The following THUMPD3 variants were observed in gnomAD, a reference collection of about 807,000 sequenced individuals.
The protein encoded by THUMPD3 is THUMP domain 3 tRNA guanosine methyltransferase, also known as tRNA (guanine(6)-N(2))-methyltransferase THUMP3.
THUMPD3 carries 44 observed loss-of-function variants against 54.5 expected under a neutral mutation model. The ratio of observed to expected loss-of-function variants is 0.81; its 90% confidence interval spans 0.63 to 1.04. The LOEUF (loss-of-function observed/expected upper bound fraction) is 1.04. Ranked by LOEUF, THUMPD3 falls within the 50% of genes least tolerant of loss-of-function variation. The pLI, the probability that THUMPD3 is intolerant of heterozygous loss-of-function variation, is 0.00. For synonymous variants in THUMPD3, 196 were observed against 201.4 expected (o/e 0.97, Z 0.23); for missense variants, 604 against 601.3 (o/e 1.00, Z -0.05).
chr3:9,374,410 C>T, intron 4 of THUMPD3, 106 bp from the exon 5 acceptor site: 3 of 1,387,004 alleles, frequency 2.2e-6, no homozygotes, highest in Non-Finnish European at 2.9e-6. Context: ...AGGGGACCAA[C>T]AGGTTGCCTA....
chr3:9,371,675 G>A (rs2032051141), intron 4 of THUMPD3, 139 bp downstream of exon 4: 2 of 767,192 alleles, frequency 2.6e-6, no homozygotes, highest in Admixed American at 4.8e-5. Flanking sequence ...TATGGAGACA[G>A]ATTTAGATCC....
chr3:9,374,295 A>G (rs776479604), intron 4 of THUMPD3, among the ~76,000 whole-genome samples: 1 of 152,108 alleles, frequency 6.6e-6, no homozygotes, highest in Non-Finnish European at 1.5e-5. Context: ...TTTAATATGT[A>G]TTTTTTAAAT....
At chr3:9,365,746 C>T (rs376487849) in intron 2 of THUMPD3, among the ~76,000 whole-genome samples, 28 of 152,226 alleles carry the variant, frequency 1.8e-4, no homozygotes, top group Middle Eastern at 3.4e-3. Context: ...CGCCCGCCAC[C>T]GCATCTGGCT....
chr3:9,384,607 T>C lies in THUMPD3; in HGVS notation c.1443T>C (p.Val481=), dbSNP rs771659753. 4 of 1,614,142 alleles carry C rather than the reference T, an allele frequency of 2.5e-6. No homozygotes were observed. The African/African-American group carries it at 4.0e-5, about 16-fold the overall frequency. Residue 481 remains valine (V), a synonymous_variant, in exon 10 of 10, where the codon GTT becomes GTC. Coordinates refer to ENST00000452837, the MANE Select transcript of THUMPD3 (RefSeq NM_001114092.2). ...GTGGTCTTCGTGCTGCAGTTTACGT[T>C]CTGATACGTACACCTCAAGCTTTTG... The part of the protein sequence containing the change: ...NVGGLRAAVY[V]LIRTPQAFVH...
intron 1 of THUMPD3, 143 bp downstream of exon 1, chr3:9,363,270 C>G (rs2031045723): frequency 6.6e-6 from 1 of 152,250 alleles, no homozygotes; most frequent in African/African-American, 2.4e-5. Context: ...CATCTTGCTC[C>G]CTCTCCCAGG....
chr3:9,370,969 C>T lies in THUMPD3; in HGVS notation c.331-91C>T, dbSNP rs529192308. ...GCGGTCCTGGAACCAGTGTCCCCCA[C>T]GGATACCAACTGTCCATAAGCAAAG... On this transcript the variant is annotated intron_variant, in intron 3 of 9. Transcript: ENST00000452837. The T allele has an allele frequency of 3.5e-4, 384 of 1,102,170 alleles. 3 individuals carry two copies. In the South Asian group the frequency reaches 5.4e-3, roughly 16 times the overall value. 68.3% of individuals were successfully genotyped at this position (1,102,170 alleles called of 1,614,324 possible). A position where few individuals can be genotyped will look rare whatever the true frequency, so the allele number is the denominator to read the frequency against.
chr3:9,382,953 T>A, intron 7 of THUMPD3: 1 of 350,936 alleles, frequency 2.8e-6, no homozygotes, highest in Non-Finnish European at 5.4e-6. Context: ...GGTCTCAAAT[T>A]CCTGGAGTCC....
chr3:9,384,833 T>G lies in THUMPD3; in HGVS notation c.*145T>G. The G allele has an allele frequency of 5.6e-6, 5 of 889,736 alleles. 1 individual carries two copies. The South Asian group carries it at 8.6e-5, about 15-fold the overall frequency. 55.1% of individuals were successfully genotyped at this position (889,736 alleles called of 1,614,324 possible). ...CATCCTGGTTAGCAAAAGGTGTGAA[T>G]GTAATGTGATGGAATTTAAAAGTTT... is the stretch of plus-strand genomic sequence containing the variant. On this transcript the variant is annotated 3_prime_UTR_variant, in exon 10 of 10. Transcript: ENST00000452837.
At chr3:9,363,781 T>G (rs2031154958) in intron 1 of THUMPD3, 1 of 151,500 alleles carries the variant, frequency 6.6e-6, no homozygotes, top group Non-Finnish European at 1.5e-5. Flanking sequence ...AGTATTCAGT[T>G]AACCATTTTT....
intron 8 of THUMPD3, among the ~76,000 whole-genome samples, chr3:9,383,998 C>G (rs2033130009): frequency 1.3e-5 from 2 of 152,196 alleles, no homozygotes; most frequent in Admixed American, 1.3e-4. Context: ...AGTCATATAA[C>G]TAACACAGTT....
chr3:9,368,468 T>G (rs941921747), intron 3 of THUMPD3, among the ~76,000 whole-genome samples: 1 of 151,250 alleles, frequency 6.6e-6, no homozygotes, highest in Non-Finnish European at 1.5e-5. Context: ...GTTCAAGCGA[T>G]TCTCCTGCCT....
chr3:9,371,953 T>C (rs2032077848), intron 4 of THUMPD3, among the ~76,000 whole-genome samples: 1 of 152,210 alleles, frequency 6.6e-6, no homozygotes. Flanking sequence ...CTCAGCTCAC[T>C]GCAGCCTCCA....
In THUMPD3 at chr3:9,383,266, G is replaced by A. The variant is rs2033061032; in HGVS notation, c.1192G>A (p.Gly398Ser). ...TATCTGCAATCTGCCATTGAGAACTGGCTCTGTGGATATTATTGTAACAGA... is the reference window on the plus strand; with the variant it reads ...TATCTGCAATCTGCCATTGAGAACTAGCTCTGTGGATATTATTGTAACAGA... ...WDICNLPLRT[G>S]SVDIIVTDLP... is the part of the protein sequence containing the mutation. The change falls in exon 8 of 10, where the codon GGC (glycine) becomes AGC (serine). Residue 398 changes from glycine to serine, a missense_variant. Gly to Ser is a moderately conservative substitution (Grantham distance 56). Transcript: ENST00000452837. 6.2e-7 allele frequency: 1 copy of A among 1,613,906 alleles called. No individual in the cohort carries two copies. The highest frequency in any genetic ancestry group is 1.7e-5 in the Admixed American group (1 of 60,004).
At chr3:9,364,140 A>T (rs1191789501) in intron 1 of THUMPD3, 2 of 151,122 alleles carry the variant, frequency 1.3e-5, no homozygotes, top group East Asian at 4.0e-4. Flanking sequence ...AGTTTTAATT[A>T]TTGGCCTAAC....
At chr3:9,381,225 C>T (rs924795825) in intron 7 of THUMPD3, among the ~76,000 whole-genome samples, 5 of 152,178 alleles carry the variant, frequency 3.3e-5, no homozygotes, top group Admixed American at 1.3e-4. Flanking sequence ...AGTCACCACA[C>T]CTGGACCATA....
At position 9,371,135 on chromosome 3, in the gene THUMPD3, A is replaced by T. The variant is rs2032001186; in HGVS notation, c.406A>T (p.Asn136Tyr). 6.2e-7 allele frequency: 1 copy of T among 1,609,424 alleles called. No individual in the cohort carries two copies. Among genetic ancestry groups the T allele is most frequent in the East Asian group, 2.2e-5 (1 of 44,868 alleles). ...WSNPLKVWKI[N>Y]ASFKKKKAKR... ...AAACCCCTTAAAAGTGTGGAAAATT[A>T]ATGCCAGTTTTAAAAAGAAAAAAGC... The change falls in exon 4 of 10, where the codon AAT becomes TAT. Residue 136 changes from asparagine (N) to tyrosine (Y), a missense_variant. Asn to Tyr is a moderately radical substitution (Grantham distance 143, BLOSUM62 -2). Transcript: ENST00000452837.
chr3:9,371,363 A>C lies in THUMPD3; in HGVS notation c.634A>C (p.Thr212Pro). The C allele has an allele frequency of 6.2e-7, 1 of 1,614,214 alleles. No homozygotes were observed. ...TGATTTGGCATCTTGCAAAGATGAG[A>C]CTGATGAAAGCTCAAAAGAAGAAAC... ...GDDLASCKDE[T>P]DESSKEETEP... The change falls in exon 4 of 10, where the codon ACT becomes CCT. Residue 212 changes from threonine (T) to proline (P), a missense_variant. Transcript: ENST00000452837.
At chr3:9,384,133 T>A in intron 8 of THUMPD3, 79 bp from the exon 9 acceptor site, 1 of 1,505,056 alleles carries the variant, frequency 6.6e-7, no homozygotes, top group Non-Finnish European at 9.0e-7. Context: ...TCAGGATGCA[T>A]GAAACTGTTT....
rs530554558 is a variant in THUMPD3, at chr3:9,364,883, C to A, written c.-53-133C>A. On this transcript the variant is annotated intron_variant, in intron 1 of 9. Transcript: ENST00000452837. ...CCTGCACTCTGTGCCCATGTTTATT[C>A]AACCCTTTTTACTTTGGTGACTGTT... 3.1e-3 allele frequency: 2,079 copies of A among 663,612 alleles called. 3 individuals are homozygous for A. The highest frequency in any genetic ancestry group is 4.6e-3 in the Non-Finnish European group (1,871 of 404,202). The allele number at this position is 663,612 out of a possible 1,614,324, so 41.1% of individuals were successfully genotyped here. A position where few individuals can be genotyped will look rare whatever the true frequency, so the allele number is the denominator to read the frequency against.
Sources: gnomAD v4.1 joint callset for allele counts (sites outside exome capture counted in the v4.1 genomes callset) on GRCh38, gnomAD v4.1.1 for gene constraint, MANE v1.5 for transcripts, NCBI Gene and HGNC (gene_info 2026-07-23, HGNC 2026-07-21) for gene names.